CDH13: variants seen among roughly 807,000 people sequenced by gnomAD.
The protein encoded by CDH13 is cadherin-13.
CDH13 carries 24 observed loss-of-function variants against 63.8 expected under a neutral mutation model. That is an observed-to-expected ratio of 0.38 (90% CI 0.27 to 0.53). The LOEUF is 0.53. Among genes scored for constraint, CDH13 ranks in the 20% least tolerant of loss-of-function variants. The pLI is 0.85. For missense variants in CDH13, 1,049 were observed against 903.1 expected (o/e 1.16, Z -2.07); for synonymous variants, 503 against 355.3 (o/e 1.42, Z -4.67).
chr16:83,729,048 C>A (rs376388), intron 10 of CDH13: 75,359 of 151,840 alleles, frequency 0.5, 20,257 homozygotes, highest in Non-Finnish European at 0.61. Flanking sequence ...TTATAAGGAT[C>A]CTCATCCTAT....
intron 1 of CDH13, among the ~76,000 whole-genome samples, chr16:82,794,948 A>G (rs759721655): frequency 1.3e-5 from 2 of 152,214 alleles, no homozygotes; most frequent in Non-Finnish European, 2.9e-5. Flanking sequence ...TTGGTCTACG[A>G]AAACCATTAT....
At position 83,798,256 on chromosome 16, in the gene CDH13, A is replaced by T. The variant is rs899999613; in HGVS notation, c.*3226A>T. The T allele has an allele frequency of 6.6e-6, 1 of 152,218 alleles. No individual in the cohort carries two copies. The highest frequency in any genetic ancestry group is 1.5e-5 in the Non-Finnish European group (1 of 68,048). The allele number at this position is 152,218 out of a possible 1,614,324, so 9.4% of individuals were successfully genotyped here. ...AATCTTAAGATGTGACAACTAAAAA[A>T]TTTTTAACAAGTCTGTGTTTGATCC... On this transcript the variant is annotated 3_prime_UTR_variant, in exon 14 of 14. Transcript: ENST00000567109.
At chr16:82,804,050 A>G (rs112060442) in intron 1 of CDH13, among the ~76,000 whole-genome samples, 3 of 152,266 alleles carry the variant, frequency 2.0e-5, no homozygotes, top group African/African-American at 7.2e-5. Flanking sequence ...CAACATGGTA[A>G]AACCTTGTCT....
intron 4 of CDH13, among the ~76,000 whole-genome samples, chr16:83,175,703 C>A (rs2151735790): frequency 6.6e-6 from 1 of 152,132 alleles, no homozygotes; most frequent in Admixed American, 6.6e-5. Context: ...ACTCTGGCAG[C>A]CAGATGAGTC....
chr16:82,911,951 C>G (rs2041844958), intron 2 of CDH13, among the ~76,000 whole-genome samples: 1 of 151,982 alleles, frequency 6.6e-6, no homozygotes, highest in East Asian at 2.0e-4. Context: ...CACTTGCTGA[C>G]TCCTCTCCTG....
At chr16:83,051,615 C>T (rs1242470688) in intron 3 of CDH13, among the ~76,000 whole-genome samples, 1 of 152,208 alleles carries the variant, frequency 6.6e-6, no homozygotes, top group South Asian at 2.1e-4. Context: ...GCTCTGTTAT[C>T]TGGATTTCAT....
chr16:82,695,050 A>C (rs1250335415), intron 1 of CDH13, among the ~76,000 whole-genome samples: 1 of 152,110 alleles, frequency 6.6e-6, no homozygotes, highest in African/African-American at 2.4e-5. Flanking sequence ...CCCAAGGTGG[A>C]GGAGGCAGCG....
At chr16:82,862,667 C>T (rs963273235) in intron 2 of CDH13, among the ~76,000 whole-genome samples, 2 of 152,160 alleles carry the variant, frequency 1.3e-5, no homozygotes, top group Non-Finnish European at 2.9e-5. Flanking sequence ...CTGAATTTAC[C>T]TACAATACAA....
intron 7 of CDH13, among the ~76,000 whole-genome samples, chr16:83,591,576 T>A (rs937116451): frequency 3.3e-5 from 5 of 152,182 alleles, no homozygotes; most frequent in African/African-American, 1.2e-4. Flanking sequence ...CTGGTGGCCC[T>A]GTTGCAGCCT....
intron 1 of CDH13, among the ~76,000 whole-genome samples, chr16:82,789,080 T>A (rs1258010866): frequency 6.6e-6 from 1 of 152,182 alleles, no homozygotes; most frequent in East Asian, 1.9e-4. Flanking sequence ...GAGCTTGAGT[T>A]ACTTTCCAGC....
intron 3 of CDH13, among the ~76,000 whole-genome samples, chr16:83,113,809 G>A (rs921864258): frequency 2.0e-5 from 3 of 152,204 alleles, no homozygotes; most frequent in African/African-American, 7.2e-5. Context: ...GAGGGTGCGT[G>A]CAGCTGAGAA....
At chr16:83,382,853 G>A (rs1353064411) in intron 6 of CDH13, among the ~76,000 whole-genome samples, 16 of 152,066 alleles carry the variant, frequency 1.1e-4, no homozygotes. Flanking sequence ...CCCACCCATG[G>A]TACATTTGGT....
intron 1 of CDH13, among the ~76,000 whole-genome samples, chr16:82,845,834 G>A (rs954185397): frequency 1.1e-4 from 16 of 152,272 alleles, no homozygotes; most frequent in Non-Finnish European, 2.4e-4. Flanking sequence ...TTTCTCCTAA[G>A]GGCCAGCCAG....
chr16:83,577,680 A>G (rs541212083), intron 7 of CDH13, among the ~76,000 whole-genome samples: 6 of 152,316 alleles, frequency 3.9e-5, no homozygotes, highest in African/African-American at 1.4e-4. Context: ...TAGGAAGGCC[A>G]CATCCGTCAC....
rs1249417100 is a variant in CDH13, at chr16:83,799,911, T to G, written c.*4881T>G. On this transcript the variant is annotated 3_prime_UTR_variant, in exon 14 of 14. Transcript: ENST00000567109. ...GCAAAAAATGGTGGGAATGGGTGTG[T>G]GTATGAGGGTTTCAGATAAGAACTT... is the stretch of plus-strand genomic sequence containing the variant. The G allele has an allele frequency of 6.6e-6, 1 of 152,102 alleles. No homozygotes were observed. Among genetic ancestry groups the G allele is most frequent in the African/African-American group, 2.4e-5 (1 of 41,418 alleles). The allele number at this position is 152,102 out of a possible 1,614,324, so 9.4% of individuals were successfully genotyped here. A position where few individuals can be genotyped will look rare whatever the true frequency, so the allele number is the denominator to read the frequency against.
chr16:83,592,548 A>C (rs1302504125), intron 7 of CDH13, among the ~76,000 whole-genome samples: 1 of 152,198 alleles, frequency 6.6e-6, no homozygotes, highest in Non-Finnish European at 1.5e-5. Flanking sequence ...ACTGTAACTC[A>C]TCAGTGGCAG....
chr16:83,482,173 A>G (rs1420266769), intron 6 of CDH13, among the ~76,000 whole-genome samples: 3 of 152,202 alleles, frequency 2.0e-5, no homozygotes, highest in African/African-American at 7.2e-5. Context: ...GGCTCTGGTC[A>G]GTGTGGAATG....
At chr16:83,792,146 T>C (rs887829859) in intron 13 of CDH13, among the ~76,000 whole-genome samples, 2 of 152,116 alleles carry the variant, frequency 1.3e-5, no homozygotes, top group African/African-American at 4.8e-5. Flanking sequence ...GCAAAGGCAT[T>C]AAACCCAGGT....
chr16:82,807,882 C>G (rs1277056347), intron 1 of CDH13, among the ~76,000 whole-genome samples: 2 of 152,176 alleles, frequency 1.3e-5, no homozygotes, highest in Non-Finnish European at 1.5e-5. Flanking sequence ...AGACACAATT[C>G]TCAAGAATAT....
Sources: gnomAD v4.1 joint callset for allele counts (sites outside exome capture counted in the v4.1 genomes callset) on GRCh38, gnomAD v4.1.1 for gene constraint, MANE v1.5 for transcripts, NCBI Gene and HGNC (gene_info 2026-07-23, HGNC 2026-07-21) for gene names.